ZFAND3: variants seen among roughly 807,000 people sequenced by gnomAD.
ZFAND3 encodes the protein zinc finger AN1-type containing 3, also known as AN1-type zinc finger protein 3.
Under a neutral mutation model 29.6 loss-of-function variants are expected in ZFAND3, and 10 were observed. The observed-to-expected ratio is 0.34, with a 90% confidence interval of 0.21 to 0.57. The LOEUF is 0.57. Ranked by LOEUF, ZFAND3 falls within the 20% of genes least tolerant of loss-of-function variation. The pLI is 0.86. For missense variants in ZFAND3, 230 were observed against 304.5 expected, an observed-to-expected ratio of 0.76 and a Z score of 1.82; for synonymous variants, 128 against 112.6, an observed-to-expected ratio of 1.14 and a Z score of -0.87.
intron 5 of ZFAND3, among the ~76,000 whole-genome samples, chr6:38,132,771 G>T (rs905134612): frequency 1.3e-5 from 2 of 152,088 alleles, no homozygotes; most frequent in African/African-American, 4.8e-5. Flanking sequence ...AGGATGTATG[G>T]CATCTCCTGT....
intron 4 of ZFAND3, among the ~76,000 whole-genome samples, chr6:38,101,919 C>T (rs898196962): frequency 6.6e-6 from 1 of 151,838 alleles, no homozygotes; most frequent in Non-Finnish European, 1.5e-5. Flanking sequence ...TTAGCATCTA[C>T]TCAGTTATGC....
chr6:37,840,401 T>C (rs1215325273), intron 1 of ZFAND3, among the ~76,000 whole-genome samples: 1 of 152,234 alleles, frequency 6.6e-6, no homozygotes, highest in African/African-American at 2.4e-5. Flanking sequence ...GCCTGGCCAA[T>C]TTTATTTCAT....
chr6:37,907,950 T>G (rs1275532013), intron 1 of ZFAND3, among the ~76,000 whole-genome samples: 1 of 152,206 alleles, frequency 6.6e-6, no homozygotes, highest in Non-Finnish European at 1.5e-5. Context: ...CACGATTTTA[T>G]CACACTTAAG....
chr6:37,962,997 C>T (rs908579292), intron 2 of ZFAND3, among the ~76,000 whole-genome samples: 1 of 152,050 alleles, frequency 6.6e-6, no homozygotes, highest in African/African-American at 2.4e-5. Flanking sequence ...CAAAGGTCTG[C>T]GGCTTCACTC....
chr6:37,921,995 C>T (rs1761390141), intron 1 of ZFAND3, among the ~76,000 whole-genome samples: 1 of 150,536 alleles, frequency 6.6e-6, no homozygotes, highest in Admixed American at 6.6e-5. Context: ...GCCCAGGAGG[C>T]GGAGGTCACA....
At chr6:37,995,464 A>G (rs1488241452) in intron 2 of ZFAND3, among the ~76,000 whole-genome samples, 1 of 152,224 alleles carries the variant, frequency 6.6e-6, no homozygotes, top group Non-Finnish European at 1.5e-5. Flanking sequence ...TGGAGGTTCT[A>G]GAATAAAACA....
In ZFAND3 at chr6:37,900,709, T is replaced by C. The variant is rs73730825; in HGVS notation, c.72-29250T>C. On this transcript the variant is annotated intron_variant, in intron 1 of 5. Transcript: ENST00000287218. ...TCCAGGTAGCGGAAATTCCATGCTA[T>C]GGAAATATATCAGTAAAGAGTTCGT... is the stretch of plus-strand genomic sequence containing the variant. 5.2e-3 allele frequency among the ~76,000 whole-genome samples: 787 copies of C among 152,290 alleles called. 9 individuals carry two copies. The highest frequency in any genetic ancestry group is 0.018 in the African/African-American group (728 of 41,552).
At chr6:37,993,954 T>C (rs1244973241) in intron 2 of ZFAND3, among the ~76,000 whole-genome samples, 4 of 152,194 alleles carry the variant, frequency 2.6e-5, no homozygotes, top group African/African-American at 9.6e-5. Context: ...AAAAAGTGAA[T>C]GTTACCAGTA....
intron 5 of ZFAND3, among the ~76,000 whole-genome samples, chr6:38,141,484 T>G (rs1428753147): frequency 6.6e-6 from 1 of 152,228 alleles, no homozygotes; most frequent in Non-Finnish European, 1.5e-5. Flanking sequence ...CTGAGTACTT[T>G]CCAGGCTGCA....
At chr6:37,860,554 T>A (rs1387165173) in intron 1 of ZFAND3, among the ~76,000 whole-genome samples, 1 of 152,102 alleles carries the variant, frequency 6.6e-6, no homozygotes, top group East Asian at 1.9e-4. Flanking sequence ...GGTATCATTT[T>A]GAGTAAGAAA....
At chr6:37,834,318 CT>C (rs1331353487) in intron 1 of ZFAND3, among the ~76,000 whole-genome samples, 4 of 152,118 alleles carry the variant, frequency 2.6e-5, no homozygotes, top group Admixed American at 2.0e-4. Context: ...CCTTCCATGT[CT>C]TTTCATGGCT....
chr6:37,962,540 T>A (rs979311611), intron 2 of ZFAND3, among the ~76,000 whole-genome samples: 17 of 152,168 alleles, frequency 1.1e-4, no homozygotes, highest in African/African-American at 4.1e-4. Flanking sequence ...GGAGAACTTT[T>A]CTGTCTAAAG....
intron 4 of ZFAND3, among the ~76,000 whole-genome samples, chr6:38,098,009 T>A (rs1765016380): frequency 6.6e-6 from 1 of 152,150 alleles, no homozygotes; most frequent in Non-Finnish European, 1.5e-5. Flanking sequence ...AAATTGAGAA[T>A]TATAATTGGG....
intron 5 of ZFAND3, among the ~76,000 whole-genome samples, chr6:38,131,438 T>G (rs553196829): frequency 9.8e-5 from 15 of 152,396 alleles, no homozygotes; most frequent in Non-Finnish European, 7.3e-5. Context: ...TTAAGTAATT[T>G]TAATGTACCC....
intron 1 of ZFAND3, among the ~76,000 whole-genome samples, chr6:37,918,422 T>A (rs753010555): frequency 1.3e-4 from 20 of 152,164 alleles, no homozygotes; most frequent in Non-Finnish European, 2.5e-4. Flanking sequence ...AGAAGTACCT[T>A]GTGCTTTTCT....
intron 1 of ZFAND3, among the ~76,000 whole-genome samples, chr6:37,864,558 T>C (rs933052678): frequency 1.6e-4 from 25 of 152,312 alleles, no homozygotes; most frequent in East Asian, 3.9e-4. Context: ...TGGATTTTTC[T>C]GGAAGATTCT....
At chr6:37,976,094 C>T (rs1762472525) in intron 2 of ZFAND3, among the ~76,000 whole-genome samples, 3 of 152,070 alleles carry the variant, frequency 2.0e-5, no homozygotes, top group Non-Finnish European at 4.4e-5. Flanking sequence ...CATGTTTTGT[C>T]AGATTTATCT....
chr6:38,085,341 C>G (rs1764735966), intron 4 of ZFAND3, among the ~76,000 whole-genome samples: 1 of 152,144 alleles, frequency 6.6e-6, no homozygotes, highest in South Asian at 2.1e-4. Context: ...GAGATCTTAC[C>G]TACCTCCTCC....
intron 2 of ZFAND3, among the ~76,000 whole-genome samples, chr6:37,998,098 C>T (rs1581825510): frequency 6.6e-6 from 1 of 152,146 alleles, no homozygotes; most frequent in South Asian, 2.1e-4. Context: ...AATGGATAAA[C>T]AAACTGTAGA....
Sources: allele counts gnomAD v4.1 joint callset (sites outside exome capture counted in the v4.1 genomes callset), GRCh38; gene constraint gnomAD v4.1.1; transcripts MANE v1.5; gene names NCBI Gene and HGNC (gene_info 2026-07-23, HGNC 2026-07-21).